The following EIF4G1 variants were observed in gnomAD, a reference collection of about 807,000 sequenced individuals.
EIF4G1 encodes eukaryotic translation initiation factor 4 gamma 1.
EIF4G1 carries 4 observed loss-of-function variants against 187.8 expected under a neutral mutation model. The ratio of observed to expected loss-of-function variants is 0.02; its 90% CI spans 0.01 to 0.05. EIF4G1 has a LOEUF of 0.05. Among genes scored for constraint, EIF4G1 ranks in the 10% least tolerant of loss-of-function variants. The pLI, the probability that EIF4G1 is intolerant of heterozygous loss-of-function variation, is 1.00. For synonymous variants in EIF4G1, 844 were observed against 781.4 expected (o/e 1.08, Z -1.34); for missense variants, 1,647 against 2,081.1 (o/e 0.79, Z 4.06).
Position 184,322,071 on chromosome 3 carries a change from C to T in EIF4G1, c.1487C>T (p.Ser496Phe), listed in dbSNP as rs758414305. 2 of 1,614,124 alleles carry T rather than the reference C, an allele frequency of 1.2e-6. No homozygotes were observed. The highest frequency in any genetic ancestry group is 3.3e-5 in the Admixed American group (2 of 60,022). The change falls in exon 10 of 33, where the codon TCT becomes TTT. Residue 496 changes from serine to phenylalanine, a missense_variant. Physicochemically the swap from Ser to Phe is radical, Grantham distance 155 (BLOSUM62 -2). This residue lies in a region of EIF4G1 where 522 missense variants were observed against 485.2 expected (regional missense o/e 1.08). Coordinates refer to ENST00000346169, the MANE Select transcript of EIF4G1 (RefSeq NM_198241.3). ...PESTPIPANLSQNLEAAAATQ... is the reference protein window; with the variant it reads ...PESTPIPANLFQNLEAAAATQ... ...AGTACCCCTATTCCAGCCAACTTGT[C>T]TCAGAATTTGGAGGCAGCAGCAGCC...
At chr3:184,329,164 A>G (rs1725540033) in intron 28 of EIF4G1, 174 bp downstream of exon 28, 2 of 735,644 alleles carry the variant, frequency 2.7e-6, no homozygotes, top group African/African-American at 3.5e-5. Context: ...ACCAGTTCCT[A>G]TCATGAGTTC....
rs557737841 is a variant in EIF4G1 at position 184,335,079 on chromosome 3, C to T, written c.*171C>T. On this transcript the variant is annotated 3_prime_UTR_variant, in exon 33 of 33. Coordinates refer to ENST00000346169, the MANE Select transcript of EIF4G1 (RefSeq NM_198241.3). ...CAGGATGGCTTGGGGCTGCCTGGGC[C>T]CCCCTCCAGGATGCCGCCAGGTGTC... 4.7e-6 allele frequency: 4 copies of T among 854,754 alleles called. No individual in the cohort carries two copies. The highest frequency in any genetic ancestry group is 7.3e-6 in the Non-Finnish European group (4 of 550,482). The allele number at this position is 854,754 out of a possible 1,614,324, so 52.9% of individuals were successfully genotyped here. A position where few individuals can be genotyped will look rare whatever the true frequency, so the allele number is the denominator to read the frequency against.
intron 1 of EIF4G1, 28 bp from the exon 2 acceptor site, chr3:184,315,461 G>A (rs566513124): frequency 8.3e-6 from 5 of 604,898 alleles, no homozygotes; most frequent in Admixed American, 3.7e-5. Context: ...CGCGGAGCCA[G>A]GTTGATACCC....
At position 184,320,739 on chromosome 3, in the gene EIF4G1, G is replaced by C. The variant is rs764359112; in HGVS notation, c.630+17G>C. The C allele has an allele frequency of 6.2e-7, 1 of 1,614,014 alleles. No homozygotes were observed. The highest frequency in any genetic ancestry group is 8.5e-7 in the Non-Finnish European group (1 of 1,180,028). On this transcript the variant is annotated intron_variant, in intron 8 of 32. Transcript: ENST00000346169. ...CCTCCCCAGGTACTGTCTGCTTTTC[G>C]AGTGATACCCTGGCTGGGATGTCTG...
At chr3:184,316,037 C>G in intron 3 of EIF4G1, 95 bp from the exon 4 acceptor site, 1 of 1,567,434 alleles carries the variant, frequency 6.4e-7, no homozygotes, top group Non-Finnish European at 8.7e-7. Flanking sequence ...ATTGTTAAGG[C>G]TCTTGCCGCA....
Position 184,322,686 on chromosome 3 carries a change from C to T in EIF4G1, c.1751C>T (p.Ala584Val), listed in dbSNP as rs780495436. The stretch of plus-strand genomic sequence containing the variant: ...TCAAAGGAAGACAAAATTCACAATG[C>T]TGAGAACATCCAGCCCGGGGAACAG... ...WDSKEDKIHN[A>V]ENIQPGEQKY... The change falls in exon 12 of 33, where the codon GCT (alanine) becomes GTT (valine). Residue 584 changes from alanine to valine, a missense_variant. By Grantham distance (64) the Ala-to-Val change is moderately conservative (BLOSUM62 0). Around this residue, in one of 11 missense-constraint regions of EIF4G1, gnomAD observed 522 missense variants for 485.2 expected, o/e 1.08. Coordinates refer to ENST00000346169, the MANE Select transcript of EIF4G1 (RefSeq NM_198241.3). 6 of 1,614,052 alleles carry T rather than the reference C, an allele frequency of 3.7e-6. No homozygotes were observed. In the South Asian group the frequency reaches 4.4e-5, roughly 12 times the overall value.
rs751408255 is a variant in EIF4G1 at position 184,325,307 on chromosome 3, C to T, written c.2895C>T (p.Ile965=). The change falls in exon 19 of 33, where the codon ATC becomes ATT. Residue 965 remains isoleucine (I), a synonymous_variant. Coordinates refer to ENST00000346169, the MANE Select transcript of EIF4G1 (RefSeq NM_198241.3). The surrounding 1 kb of genome is among the most constrained non-coding windows in gnomAD (Gnocchi z 5.2). ...MDQYFNQMEK[I]IKEKKTSSRI... is the part of the protein sequence containing the mutation. ...AGTATTTCAACCAGATGGAAAAAAT[C>T]ATTAAAGAAAAGAAGACGTCATCCC... The T allele has an allele frequency of 6.2e-7, 1 of 1,614,174 alleles. No individual in the cohort carries two copies. The highest frequency in any genetic ancestry group is 8.5e-7 in the Non-Finnish European group (1 of 1,180,044).
At chr3:184,332,937 T>G (rs989838644) in intron 32 of EIF4G1, among the ~76,000 whole-genome samples, 1 of 152,092 alleles carries the variant, frequency 6.6e-6, no homozygotes, top group Non-Finnish European at 1.5e-5. Context: ...GAAAACGCCT[T>G]TGTGGGATTT....
chr3:184,331,800 G>A lies in EIF4G1; in HGVS notation c.4468G>A (p.Ala1490Thr). Residue 1490 changes from alanine (A) to threonine (T), a missense_variant, in exon 31 of 33, where the codon GCA becomes ACA. By Grantham distance (58) the Ala-to-Thr change is moderately conservative. Coordinates refer to ENST00000346169, the MANE Select transcript of EIF4G1 (RefSeq NM_198241.3). ...RALMTAVCYS[A>T]IIFETPLRVD... is the part of the protein sequence containing the mutation. Reference sequence around the variant, plus strand: ...CCTCATGACGGCTGTCTGCTATTCTGCAATTATTTGTAAGAGGAACCAGGG... The same window carrying A: ...CCTCATGACGGCTGTCTGCTATTCTACAATTATTTGTAAGAGGAACCAGGG... 6.2e-7 allele frequency: 1 copy of A among 1,614,166 alleles called. No individual in the cohort carries two copies. Among genetic ancestry groups the A allele is most frequent in the Non-Finnish European group, 8.5e-7 (1 of 1,180,046 alleles).
rs774371216 is a variant in EIF4G1 at position 184,322,726 on chromosome 3, G to A, written c.1791G>A (p.Lys597=). 1 of 1,614,224 alleles carries A rather than the reference G, an allele frequency of 6.2e-7. No homozygotes were observed. ...IQPGEQKYEY[K]SDQWKPLNLE... ...CCGGGGAACAGAAGTATGAATATAA[G>A]TCAGGTATGCTGAAGAAAGGGTTGA... is the stretch of plus-strand genomic sequence containing the variant. The change falls in exon 12 of 33, where the codon AAG becomes AAA. Residue 597 remains lysine (K), a synonymous_variant. Coordinates refer to ENST00000346169, the MANE Select transcript of EIF4G1 (RefSeq NM_198241.3).
intron 32 of EIF4G1, among the ~76,000 whole-genome samples, chr3:184,333,458 C>G (rs911928425): frequency 6.6e-6 from 1 of 152,110 alleles, no homozygotes; most frequent in Non-Finnish European, 1.5e-5. Context: ...GATACAGCCC[C>G]AAGGAGGTAG....
chr3:184,323,154 T>A lies in EIF4G1; in HGVS notation c.2001T>A (p.Thr667=). The A allele has an allele frequency of 1.2e-6, 2 of 1,614,176 alleles. No homozygotes were observed. The highest frequency in any genetic ancestry group is 1.7e-6 in the Non-Finnish European group (2 of 1,180,024). The part of the protein sequence containing the change: ...LQGINCGPDF[T]PSFANLGRTT... ...GCATAAATTGTGGCCCAGACTTCAC[T>A]CCATCCTTTGCCAACCTTGGCCGGA... The change falls in exon 14 of 33, where the codon ACT becomes ACA. Residue 667 remains threonine (T), a synonymous_variant. Coordinates refer to ENST00000346169, the MANE Select transcript of EIF4G1 (RefSeq NM_198241.3). The surrounding 1 kb of genome is among the most constrained non-coding windows in gnomAD (Gnocchi z 6.9).
chr3:184,327,433 C>T lies in EIF4G1; in HGVS notation c.3646C>T (p.Arg1216Cys), dbSNP rs201711322. ...AGCTAGCCTCACGGAGGATCGGGACCGTGGGCGGGATGCCGGTGAGAGTCT... is the reference window on the plus strand; with the variant it reads ...AGCTAGCCTCACGGAGGATCGGGACTGTGGGCGGGATGCCGGTGAGAGTCT... ...KAASLTEDRD[R>C]GRDAVKREAA... Residue 1216 changes from arginine (R) to cysteine (C), a missense_variant, in exon 24 of 33, where the codon CGT (arginine) becomes TGT (cysteine). Coordinates refer to ENST00000346169, the MANE Select transcript of EIF4G1 (RefSeq NM_198241.3). 190 of 1,613,382 alleles carry T rather than the reference C, an allele frequency of 1.2e-4. 1 individual carries two copies. The highest frequency in any genetic ancestry group is 9.7e-5 in the Non-Finnish European group (115 of 1,179,890).
At chr3:184,315,658 C>G in intron 2 of EIF4G1, 105 bp from the exon 3 acceptor site, 1 of 856,226 alleles carries the variant, frequency 1.2e-6, no homozygotes, top group Middle Eastern at 2.2e-4. Flanking sequence ...CTTGGCATCT[C>G]TGGGACTCCG....
At position 184,322,540 on chromosome 3, in the gene EIF4G1, C is replaced by A; in HGVS notation, c.1609-4C>A. The A allele has an allele frequency of 1.2e-6, 2 of 1,614,078 alleles. No individual in the cohort carries two copies. Among genetic ancestry groups the A allele is most frequent in the South Asian group, 1.1e-5 (1 of 91,064 alleles). ...AACCAAAACTGGATGTTCTGTTGTTCTAGGCGAACCCGGCAGTACCAGAGG... is the reference window on the plus strand; with the variant it reads ...AACCAAAACTGGATGTTCTGTTGTTATAGGCGAACCCGGCAGTACCAGAGG... On this transcript the variant is annotated splice_region_variant and splice_polypyrimidine_tract_variant and intron_variant, in intron 11 of 32. Transcript: ENST00000346169.
At position 184,325,959 on chromosome 3, in the gene EIF4G1, T is replaced by C. The variant is rs1254735442; in HGVS notation, c.3222+8T>C. 1.9e-6 allele frequency: 3 copies of C among 1,613,206 alleles called. No individual in the cohort carries two copies. Among genetic ancestry groups the C allele is most frequent in the East Asian group, 4.5e-5 (2 of 44,868 alleles). On this transcript the variant is annotated splice_region_variant and intron_variant, in intron 21 of 32. Coordinates refer to ENST00000346169, the MANE Select transcript of EIF4G1 (RefSeq NM_198241.3). This position sits in a 1 kb window ranked among gnomAD's most constrained non-coding sequence, Gnocchi z 5.2. ...CTCACCAAGATCACCAAGGTAGGGGTGTGTGTGGGAGTGGGTGATTCAGCT... is the reference window on the plus strand; with the variant it reads ...CTCACCAAGATCACCAAGGTAGGGGCGTGTGTGGGAGTGGGTGATTCAGCT...
chr3:184,327,436 G>A lies in EIF4G1; in HGVS notation c.3649G>A (p.Gly1217Arg), dbSNP rs138270117. 15 of 1,613,412 alleles carry A rather than the reference G, an allele frequency of 9.3e-6. No homozygotes were observed. In the African/African-American group the frequency reaches 2.0e-4, roughly 22 times the overall value. ...AASLTEDRDR[G>R]RDAVKREAAL... Reference sequence around the variant, plus strand: ...TAGCCTCACGGAGGATCGGGACCGTGGGCGGGATGCCGGTGAGAGTCTGGG... The same window carrying A: ...TAGCCTCACGGAGGATCGGGACCGTAGGCGGGATGCCGGTGAGAGTCTGGG... Residue 1217 changes from glycine to arginine, a missense_variant, in exon 24 of 33, where the codon GGG becomes AGG. Transcript: ENST00000346169.
chr3:184,328,432 G>C, intron 26 of EIF4G1, 199 bp from the exon 27 acceptor site: 1 of 780,608 alleles, frequency 1.3e-6, no homozygotes, highest in Non-Finnish European at 2.1e-6. Flanking sequence ...TGACCATCCT[G>C]GTCAGCATAA....
chr3:184,321,487 C>T lies in EIF4G1; in HGVS notation c.903C>T (p.Thr301=), dbSNP rs1198475595. The T allele has an allele frequency of 1.2e-6, 2 of 1,614,168 alleles. No homozygotes were observed. Among genetic ancestry groups the T allele is most frequent in the Admixed American group, 1.7e-5 (1 of 60,024 alleles). Residue 301 remains threonine (T), a synonymous_variant, in exon 10 of 33, where the codon ACC becomes ACT. Coordinates refer to ENST00000346169, the MANE Select transcript of EIF4G1 (RefSeq NM_198241.3). ...TTIQMSVEES[T]PISRETGEPY... is the part of the protein sequence containing the mutation. ...TACAAATGTCTGTAGAAGAATCAAC[C>T]CCCATCTCCCGTGAAACTGGGGAGC...
Sources: gnomAD v4.1 joint callset for allele counts (sites outside exome capture counted in the v4.1 genomes callset) on GRCh38, gnomAD v4.1.1 for gene constraint, gnomAD v4.1.1 regional missense constraint, Gnocchi (gnomAD v3.1) non-coding constraint, MANE v1.5 for transcripts, NCBI Gene and HGNC (gene_info 2026-07-23, HGNC 2026-07-21) for gene names.